Variants in ANK3 observed in about 807,000 individuals in gnomAD.
ANK3 encodes the protein ankyrin-3.
A neutral mutation model predicts 370.9 loss-of-function variants in ANK3; 57 were observed. The observed-to-expected ratio is 0.15, with a 90% CI of 0.12 to 0.19. The LOEUF is 0.19. Among genes scored for constraint, ANK3 ranks in the 10% least tolerant of loss-of-function variants. ANK3 has a pLI of 1.00. For missense variants in ANK3, 4,439 were observed against 5,302.1 expected, an observed-to-expected ratio of 0.84 and a Z score of 5.06; for synonymous variants, 1,929 against 1,946.3, an observed-to-expected ratio of 0.99 and a Z score of 0.23.
At chr10:60,447,010 C>T (rs571307497) in intron 2 of ANK3, among the ~76,000 whole-genome samples, 3 of 152,076 alleles carry the variant, frequency 2.0e-5, no homozygotes, top group Admixed American at 6.5e-5. Context: ...CATGGGTTAG[C>T]GAAGGTATTA....
At chr10:60,515,803 T>C (rs1290156757) in intron 2 of ANK3, among the ~76,000 whole-genome samples, 1 of 152,110 alleles carries the variant, frequency 6.6e-6, no homozygotes, top group African/African-American at 2.4e-5. Flanking sequence ...GCAAACAAAC[T>C]GACAAACATT....
intron 16 of ANK3, among the ~76,000 whole-genome samples, chr10:60,193,364 A>T (rs2096528160): frequency 6.6e-6 from 1 of 152,172 alleles, no homozygotes; most frequent in South Asian, 2.1e-4. Flanking sequence ...CCTGTTTAAG[A>T]GTTATTTGTG....
chr10:60,210,849 G>A (rs1262840462), intron 9 of ANK3, among the ~76,000 whole-genome samples: 1 of 152,170 alleles, frequency 6.6e-6, no homozygotes, highest in Non-Finnish European at 1.5e-5. Flanking sequence ...AGTAGAATCA[G>A]TGCTGTGCTG....
chr10:60,487,720 A>ATTTTTTT (rs10684114), intron 2 of ANK3, among the ~76,000 whole-genome samples: 47,508 of 144,526 alleles, frequency 0.33, 8,318 homozygotes, highest in Middle Eastern at 0.4. Flanking sequence ...ATGATGTTGC[A>ATTTTTTT]TTTTTTTTTT....
intron 2 of ANK3, among the ~76,000 whole-genome samples, chr10:60,439,309 T>C (rs950465672): frequency 6.6e-6 from 1 of 152,090 alleles, no homozygotes; most frequent in Non-Finnish European, 1.5e-5. Flanking sequence ...TCAAAAATAT[T>C]GCATTAAACA....
At chr10:60,370,802 C>T (rs1380982259) in intron 1 of ANK3, among the ~76,000 whole-genome samples, 2 of 152,140 alleles carry the variant, frequency 1.3e-5, no homozygotes, top group Non-Finnish European at 2.9e-5. Flanking sequence ...AAATCTAGAA[C>T]TTCAGCATTT....
intron 9 of ANK3, among the ~76,000 whole-genome samples, chr10:60,209,028 A>T (rs183388152): frequency 6.6e-6 from 1 of 152,314 alleles, no homozygotes; most frequent in Admixed American, 6.5e-5. Context: ...ATAAATAAAT[A>T]GGGTCAAAGG....
chr10:60,656,034 G>A (rs949736245), intron 1 of ANK3, among the ~76,000 whole-genome samples: 1 of 152,062 alleles, frequency 6.6e-6, no homozygotes, highest in East Asian at 1.9e-4. Context: ...TATGATACTC[G>A]CACAATGACA....
chr10:60,090,359 T>C (rs1202249099), intron 28 of ANK3, among the ~76,000 whole-genome samples: 1 of 152,120 alleles, frequency 6.6e-6, no homozygotes, highest in Non-Finnish European at 1.5e-5. Context: ...CAGGAAAATA[T>C]GGTTTCGCTT....
At chr10:60,702,584 A>T (rs1178839915) in intron 1 of ANK3, among the ~76,000 whole-genome samples, 1 of 152,198 alleles carries the variant, frequency 6.6e-6, no homozygotes, top group East Asian at 1.9e-4. Context: ...AAGATAGAAG[A>T]CTAGTGATCT....
chr10:60,455,547 T>C (rs879279084), intron 2 of ANK3, among the ~76,000 whole-genome samples: 2 of 152,194 alleles, frequency 1.3e-5, no homozygotes, highest in Non-Finnish European at 2.9e-5. Flanking sequence ...TATTATATGT[T>C]CATTGTTTAA....
In ANK3 at chr10:60,026,393, T is replaced by C. The variant is rs951949858; in HGVS notation, c.*3453A>G. 1.3e-5 allele frequency: 2 copies of C among 152,236 alleles called. No homozygotes were observed. The highest frequency in any genetic ancestry group is 2.4e-5 in the African/African-American group (1 of 41,458). The allele number at this position is 152,236 out of a possible 1,614,324, so 9.4% of individuals were successfully genotyped here. On this transcript the variant is annotated 3_prime_UTR_variant, in exon 44 of 44. Transcript: ENST00000280772. The stretch of plus-strand genomic sequence containing the variant: ...TATGCCTGGGAAATTACACACCTTG[T>C]AATATGTCACAGCCTCTTCAAGCAA...
chr10:60,262,004 C>G, intron 6 of ANK3, 47 bp from the exon 7 acceptor site: 1 of 1,503,846 alleles, frequency 6.6e-7, no homozygotes, highest in Non-Finnish European at 9.2e-7. Flanking sequence ...TGCCAGCCCC[C>G]TGCCTGACAG....
intron 43 of ANK3, among the ~76,000 whole-genome samples, chr10:60,032,332 G>A (rs1010986611): frequency 1.3e-5 from 2 of 149,998 alleles, no homozygotes; most frequent in African/African-American, 2.5e-5. Flanking sequence ...TCAGTCTCCC[G>A]AGTAGCTGGG....
intron 2 of ANK3, among the ~76,000 whole-genome samples, chr10:60,489,442 A>G (rs913766531): frequency 6.6e-6 from 1 of 152,180 alleles, no homozygotes; most frequent in East Asian, 1.9e-4. Context: ...AAAATAACTC[A>G]CTCATTTTAG....
chr10:60,369,375 T>A (rs2059815119), intron 1 of ANK3, among the ~76,000 whole-genome samples: 1 of 152,134 alleles, frequency 6.6e-6, no homozygotes, highest in African/African-American at 2.4e-5. Flanking sequence ...AATTGCAAGT[T>A]CAAGCTAACG....
At chr10:60,125,140 A>T (rs982927164) in intron 25 of ANK3, among the ~76,000 whole-genome samples, 2 of 152,326 alleles carry the variant, frequency 1.3e-5, no homozygotes, top group East Asian at 1.9e-4. Context: ...GGCCTACTAT[A>T]ATAGAAAAAG....
intron 1 of ANK3, among the ~76,000 whole-genome samples, chr10:60,703,409 C>T (rs2079570848): frequency 6.6e-6 from 1 of 152,008 alleles, no homozygotes; most frequent in Admixed American, 6.6e-5. Flanking sequence ...TATAATGAAA[C>T]CAGACTAGTC....
In ANK3 at chr10:60,085,149, T is replaced by G. The variant is rs777108099; in HGVS notation, c.3845+8A>C. On this transcript the variant is annotated splice_region_variant and intron_variant, in intron 31 of 43. Coordinates refer to ENST00000280772, the MANE Select transcript of ANK3 (RefSeq NM_020987.5). ...CTTACTGCTTTTTGGAATCCTTTAT[T>G]TCCATACCTGGCTGAAACATTGGTT... 1 of 1,605,938 alleles carries G rather than the reference T, an allele frequency of 6.2e-7. No homozygotes were observed. Among genetic ancestry groups the G allele is most frequent in the Non-Finnish European group, 8.5e-7 (1 of 1,175,694 alleles).
Sources: allele counts gnomAD v4.1 joint callset (sites outside exome capture counted in the v4.1 genomes callset), GRCh38; gene constraint gnomAD v4.1.1; transcripts MANE v1.5; gene names NCBI Gene and HGNC (gene_info 2026-07-23, HGNC 2026-07-21).